CDH8: variants seen among roughly 807,000 people sequenced by gnomAD.
CDH8 encodes the protein cadherin-8.
Under a neutral mutation model 68.1 loss-of-function variants are expected in CDH8, and 17 were observed. The observed-to-expected ratio is 0.25, with a 90% CI of 0.17 to 0.37. The LOEUF (loss-of-function observed/expected upper bound fraction) is 0.37, where lower values mean the gene tolerates loss of function less well. CDH8 is among the 10% of genes least tolerant of loss of function. The probability of loss-of-function intolerance (pLI) is 1.00; values close to 1 mark genes in which losing one functional copy is unlikely to be tolerated. For synonymous variants in CDH8, 372 were observed against 365.1 expected, an observed-to-expected ratio of 1.02 and a Z score of -0.21; for missense variants, 763 against 999.3, an observed-to-expected ratio of 0.76 and a Z score of 3.19.
intron 5 of CDH8, among the ~76,000 whole-genome samples, chr16:61,824,787 G>T (rs1962291867): frequency 6.6e-6 from 1 of 151,914 alleles, no homozygotes; most frequent in Non-Finnish European, 1.5e-5. Flanking sequence ...AGACATACTG[G>T]TTCTAATTCT....
intron 8 of CDH8, among the ~76,000 whole-genome samples, chr16:61,784,861 C>A (rs1347303775): frequency 1.3e-5 from 2 of 152,068 alleles, no homozygotes; most frequent in East Asian, 3.9e-4. Flanking sequence ...GAAATAAAGG[C>A]AGAAATAAAG....
chr16:61,810,475 GGAGA>G (rs143810797), intron 7 of CDH8, among the ~76,000 whole-genome samples: 32,539 of 149,912 alleles, frequency 0.22, 3,979 homozygotes, highest in African/African-American at 0.35. Context: ...TAGTCAGAGA[GGAGA>G]GAGAGAGAGA....
rs1962784870 is a variant in CDH8 at position 61,845,475 on chromosome 16, T to C, written c.667+11644A>G. On this transcript the variant is annotated intron_variant, in intron 4 of 11. Transcript: ENST00000577390. ...ATAAAACTTTACCGCACGTGAAAAC[T>C]ACCTTTAAAGAAACTCTCCAGATAT... Among the ~76,000 whole-genome samples the C allele has an allele frequency of 3.6e-5, 5 of 137,258 alleles. No individual in the cohort carries two copies. In the South Asian group the frequency reaches 1.2e-3, roughly 32 times the overall value. The allele number at this position is 137,258 out of a possible 152,430, so 90.0% of individuals were successfully genotyped here.
At chr16:61,801,824 G>A (rs992060821) in intron 7 of CDH8, among the ~76,000 whole-genome samples, 1 of 152,206 alleles carries the variant, frequency 6.6e-6, no homozygotes, top group Admixed American at 6.5e-5. Context: ...TACGCCCACG[G>A]AGTCTCGCTG....
chr16:61,765,743 C>T (rs1182409406), intron 8 of CDH8, among the ~76,000 whole-genome samples: 2 of 151,918 alleles, frequency 1.3e-5, no homozygotes, highest in Non-Finnish European at 2.9e-5. Context: ...AAATTAGTTG[C>T]TGTTCTTTCA....
At chr16:61,750,342 A>C (rs1234131939) in intron 8 of CDH8, among the ~76,000 whole-genome samples, 2 of 152,110 alleles carry the variant, frequency 1.3e-5, no homozygotes, top group Non-Finnish European at 2.9e-5. Context: ...GGGAGAGTGA[A>C]GTGGAATGTG....
At chr16:61,983,738 A>T (rs1046703994) in intron 2 of CDH8, among the ~76,000 whole-genome samples, 2 of 152,134 alleles carry the variant, frequency 1.3e-5, no homozygotes, top group African/African-American at 4.8e-5. Flanking sequence ...TAAACAATAG[A>T]TATTTATTTC....
At chr16:61,949,136 G>A (rs908396088) in intron 2 of CDH8, among the ~76,000 whole-genome samples, 9 of 152,180 alleles carry the variant, frequency 5.9e-5, no homozygotes, top group South Asian at 2.1e-4. Context: ...TCACATTGTC[G>A]CAGCCGCCAG....
chr16:61,741,888 T>G (rs1454684350), intron 8 of CDH8, among the ~76,000 whole-genome samples: 1 of 152,132 alleles, frequency 6.6e-6, no homozygotes, highest in Non-Finnish European at 1.5e-5. Context: ...CACGTGCACA[T>G]GCACACTCAC....
chr16:61,790,894 T>A (rs906692405), intron 7 of CDH8, among the ~76,000 whole-genome samples: 23 of 152,016 alleles, frequency 1.5e-4, no homozygotes, highest in African/African-American at 5.5e-4. Flanking sequence ...TATTAATGGA[T>A]TTTTCCTTCT....
chr16:61,653,824 C>G lies in CDH8; in HGVS notation c.2184G>C (p.Arg728Ser). The stretch of plus-strand genomic sequence containing the variant: ...TGGGATCATTATCTGCCTCATGCAG[C>G]CTTACATTTATAAATTCATCGACAT... ...GVDVDEFINV[R>S]LHEADNDPTA... Residue 728 changes from arginine to serine, a missense_variant, in exon 12 of 12, where the codon AGG (arginine) becomes AGC (serine). Transcript: ENST00000577390. The G allele has an allele frequency of 6.2e-7, 1 of 1,614,132 alleles. No homozygotes were observed. Among genetic ancestry groups the G allele is most frequent in the Non-Finnish European group, 8.5e-7 (1 of 1,180,038 alleles).
chr16:61,724,453 T>G (rs1221427367), intron 9 of CDH8, among the ~76,000 whole-genome samples: 1 of 150,694 alleles, frequency 6.6e-6, no homozygotes, highest in Non-Finnish European at 1.5e-5. Flanking sequence ...CCTCTTTACA[T>G]AGGCCCTTTT....
At chr16:61,892,481 G>A (rs1426231676) in intron 3 of CDH8, among the ~76,000 whole-genome samples, 1 of 152,090 alleles carries the variant, frequency 6.6e-6, no homozygotes, top group African/African-American at 2.4e-5. Flanking sequence ...AGGAAAAGCA[G>A]TTTCACTTTC....
chr16:61,772,682 T>C (rs1960808054), intron 8 of CDH8, among the ~76,000 whole-genome samples: 1 of 152,080 alleles, frequency 6.6e-6, no homozygotes, highest in South Asian at 2.1e-4. Flanking sequence ...ACTCCATCTC[T>C]AATACAGGTT....
At chr16:61,957,797 T>A (rs1286966899) in intron 2 of CDH8, among the ~76,000 whole-genome samples, 1 of 152,150 alleles carries the variant, frequency 6.6e-6, no homozygotes, top group Non-Finnish European at 1.5e-5. Context: ...TTGAATGTAA[T>A]CCCGCCTCTG....
rs1381385106 is a variant in CDH8 at position 61,961,092 on chromosome 16, G to T, written c.253-59619C>A. Among the ~76,000 whole-genome samples, 2 of 152,114 alleles carry T rather than the reference G, an allele frequency of 1.3e-5. 1 individual carries two copies. Among genetic ancestry groups the T allele is most frequent in the South Asian group, 4.1e-4 (2 of 4,820 alleles). On this transcript the variant is annotated intron_variant, in intron 2 of 11. Transcript: ENST00000577390. Reference sequence around the variant, plus strand: ...GCACTTTAGGAAGCCAAGGCGGGTGGATTACTCGAGGTCAGGAGTTTGAGA... The same window carrying T: ...GCACTTTAGGAAGCCAAGGCGGGTGTATTACTCGAGGTCAGGAGTTTGAGA...
Position 61,651,310 on chromosome 16 carries a change from T to A in CDH8, c.*2298A>T, listed in dbSNP as rs1218255943. The A allele has an allele frequency of 6.6e-6, 1 of 152,170 alleles. No individual in the cohort carries two copies. Among genetic ancestry groups the A allele is most frequent in the Non-Finnish European group, 1.5e-5 (1 of 68,032 alleles). The allele number at this position is 152,170 out of a possible 1,614,324, so 9.4% of individuals were successfully genotyped here. ...TGCCAAGTCCTAGTATATTTTAAAG[T>A]CATGTTGGACCATCCCTTTGACCTC... On this transcript the variant is annotated 3_prime_UTR_variant, in exon 12 of 12. Transcript: ENST00000577390.
chr16:61,965,162 T>A (rs930682976), intron 2 of CDH8, among the ~76,000 whole-genome samples: 15 of 152,232 alleles, frequency 9.9e-5, no homozygotes, highest in African/African-American at 3.6e-4. Context: ...CAAGTAGGCA[T>A]CACTTCTGTC....
rs1167497104 is a variant in CDH8, at chr16:61,960,043, ATATG to A, written c.253-58574_253-58571del. On this transcript the variant is annotated intron_variant, in intron 2 of 11. Transcript: ENST00000577390. ...ACACATACACACACACACACAACAT[ATATG>A]TATGTATGTGTGTGTGTATACACAT... Among the ~76,000 whole-genome samples, 5 of 133,096 alleles carry A rather than the reference ATATG, an allele frequency of 3.8e-5. 1 individual carries two copies. Among genetic ancestry groups the A allele is most frequent in the Non-Finnish European group, 6.6e-5 (4 of 60,756 alleles). The allele number at this position is 133,096 out of a possible 152,430, so 87.3% of individuals were successfully genotyped here. A position where few individuals can be genotyped will look rare whatever the true frequency, so the allele number is the denominator to read the frequency against.
Sources: allele counts gnomAD v4.1 joint callset (sites outside exome capture counted in the v4.1 genomes callset), GRCh38; gene constraint gnomAD v4.1.1; transcripts MANE v1.5; gene names NCBI Gene and HGNC (gene_info 2026-07-23, HGNC 2026-07-21).